DNMT3A: variants seen among roughly 807,000 people sequenced by gnomAD.
DNMT3A encodes the protein DNA (cytosine-5)-methyltransferase 3A.
A neutral mutation model predicts 117.6 loss-of-function variants in DNMT3A; 267 were observed. That is an observed-to-expected ratio of 2.27 (90% CI 2.05 to 2.51). The LOEUF is 2.51. DNMT3A is among the 30% of genes most tolerant of loss of function. The probability of loss-of-function intolerance (pLI) is 0.00; values close to 1 mark genes in which losing one functional copy is unlikely to be tolerated. For synonymous variants in DNMT3A, 432 were observed against 474.8 expected (o/e 0.91, Z 1.17); for missense variants, 1,029 against 1,260.2 (o/e 0.82, Z 2.78).
At position 25,327,321 on chromosome 2, in the gene DNMT3A, G is replaced by T. The variant is rs149866610; in HGVS notation, c.-177-13160C>A. On this transcript the variant is annotated intron_variant, in intron 1 of 22. Coordinates refer to ENST00000321117, the MANE Select transcript of DNMT3A (RefSeq NM_022552.5). The surrounding 1 kb of genome is among the most constrained non-coding windows in gnomAD (Gnocchi z 4.1). Reference sequence around the variant, plus strand: ...TGATACAGTCACCCGCGGCCCCAAAGGGCTTTTTTCCATCCTCATGGCCCT... The same window carrying T: ...TGATACAGTCACCCGCGGCCCCAAATGGCTTTTTTCCATCCTCATGGCCCT... Among the ~76,000 whole-genome samples the T allele has an allele frequency of 2.6e-4, 39 of 152,258 alleles. No individual in the cohort carries two copies. Among genetic ancestry groups the T allele is most frequent in the African/African-American group, 8.9e-4 (37 of 41,538 alleles).
At chr2:25,245,916 G>A in intron 12 of DNMT3A, 104 bp downstream of exon 12, 1 of 1,399,660 alleles carries the variant, frequency 7.1e-7, no homozygotes, top group Non-Finnish European at 1.0e-6. Context: ...GTGACACGCA[G>A]GACGTGGCCC....
Position 25,341,921 on chromosome 2 carries a change from C to A in DNMT3A, c.-273G>T, listed in dbSNP as rs1274808762. The A allele has an allele frequency of 1.0e-6, 1 of 980,306 alleles. No individual in the cohort carries two copies. Among genetic ancestry groups the A allele is most frequent in the Non-Finnish European group, 1.2e-6 (1 of 827,860 alleles). The allele number at this position is 980,306 out of a possible 1,614,324, so 60.7% of individuals were successfully genotyped here. ...CTCTGCTCTCGCCGCCGCCGCCGCCCGCGCGCCCTCCCTCCCTCCCGGCCC... is the reference window on the plus strand; with the variant it reads ...CTCTGCTCTCGCCGCCGCCGCCGCCAGCGCGCCCTCCCTCCCTCCCGGCCC... On this transcript the variant is annotated 5_prime_UTR_variant, in exon 1 of 23. Transcript: ENST00000321117.
chr2:25,275,412 C>CCCCCCCCCCCCCCCCCCCCCA, intron 5 of DNMT3A, 88 bp downstream of exon 5: 1 of 1,407,048 alleles, frequency 7.1e-7, no homozygotes, highest in South Asian at 1.3e-5. Flanking sequence ...GAGGAGGGGC[C>CCCCCCCCCCCCCCCCCCCCCA]CACCCTCCGC....
Position 25,329,673 on chromosome 2 carries a change from CCACACACA to C in DNMT3A, c.-178+12145_-178+12152del, listed in dbSNP as rs55905204. Among the ~76,000 whole-genome samples, 338 of 138,464 alleles carry C rather than the reference CCACACACA, an allele frequency of 2.4e-3. 2 individuals are homozygous for C. The highest frequency in any genetic ancestry group is 3.3e-3 in the Admixed American group (47 of 14,248). 90.8% of individuals were successfully genotyped at this position (138,464 alleles called of 152,430 possible). Reference sequence around the variant, plus strand: ...GGAGTCTCTCACAGTCATGCAGACCCCACACACACACACACACACACACACACACACAC... The same window carrying C: ...GGAGTCTCTCACAGTCATGCAGACCCCACACACACACACACACACACACAC... On this transcript the variant is annotated intron_variant, in intron 1 of 22. Coordinates refer to ENST00000321117, the MANE Select transcript of DNMT3A (RefSeq NM_022552.5).
intron 6 of DNMT3A, among the ~76,000 whole-genome samples, chr2:25,249,920 C>G (rs994140861): frequency 1.3e-5 from 2 of 152,238 alleles, no homozygotes; most frequent in Admixed American, 1.3e-4. Flanking sequence ...GAATGCAAAC[C>G]CATCCTCAAG....
intron 6 of DNMT3A, among the ~76,000 whole-genome samples, chr2:25,263,990 G>A (rs1052169544): frequency 6.6e-6 from 1 of 152,124 alleles, no homozygotes; most frequent in African/African-American, 2.4e-5. Context: ...TCACAGGGGA[G>A]GGTAGAATTC....
Position 25,252,591 on chromosome 2 carries a change from C to T in DNMT3A, c.640-4339G>A, listed in dbSNP as rs1275399125. Reference sequence around the variant, plus strand: ...CTTCGGGAAGACCGCCTGGCCCCTCCCCCAGCTCTGGAAGAGATTAGCGCG... The same window carrying T: ...CTTCGGGAAGACCGCCTGGCCCCTCTCCCAGCTCTGGAAGAGATTAGCGCG... On this transcript the variant is annotated intron_variant, in intron 6 of 22. Coordinates refer to ENST00000321117, the MANE Select transcript of DNMT3A (RefSeq NM_022552.5). This position sits in a 1 kb window ranked among gnomAD's most constrained non-coding sequence, Gnocchi z 5.5. Among the ~76,000 whole-genome samples, 1 of 151,066 alleles carries T rather than the reference C, an allele frequency of 6.6e-6. No individual in the cohort carries two copies. The highest frequency in any genetic ancestry group is 1.5e-5 in the Non-Finnish European group (1 of 67,644).
chr2:25,236,905 C>T lies in DNMT3A; in HGVS notation c.2478+31G>A. The T allele has an allele frequency of 6.2e-7, 1 of 1,602,884 alleles. No homozygotes were observed. The highest frequency in any genetic ancestry group is 8.5e-7 in the Non-Finnish European group (1 of 1,174,790). On this transcript the variant is annotated intron_variant, in intron 21 of 22. Coordinates refer to ENST00000321117, the MANE Select transcript of DNMT3A (RefSeq NM_022552.5). The surrounding 1 kb of genome is among the most constrained non-coding windows in gnomAD (Gnocchi z 4.5). ...ATCCTGCCCTTCCTTCTCCCTGCCCCCCAGCAGAGGTTCTAGACGCTGGAG... is the reference window on the plus strand; with the variant it reads ...ATCCTGCCCTTCCTTCTCCCTGCCCTCCAGCAGAGGTTCTAGACGCTGGAG...
At chr2:25,245,750 G>C (rs1389137870) in intron 12 of DNMT3A, among the ~76,000 whole-genome samples, 1 of 152,226 alleles carries the variant, frequency 6.6e-6, no homozygotes, top group Non-Finnish European at 1.5e-5. Context: ...AGGCTGAAAG[G>C]GGACCTGTAG....
intron 3 of DNMT3A, among the ~76,000 whole-genome samples, chr2:25,290,626 G>A (rs551445392): frequency 6.6e-6 from 1 of 152,334 alleles, no homozygotes; most frequent in South Asian, 2.1e-4. Context: ...CCGGCCAGAA[G>A]TGGTTTTTAA....
At chr2:25,321,172 T>TAA (rs879295575) in intron 1 of DNMT3A, among the ~76,000 whole-genome samples, 4 of 141,928 alleles carry the variant, frequency 2.8e-5, no homozygotes, top group African/African-American at 1.0e-4. Flanking sequence ...AAGTCAGTAG[T>TAA]AAAAAAAAAA....
chr2:25,281,606 A>G lies in DNMT3A; in HGVS notation c.448+835T>C. The G allele has an allele frequency of 9.4e-7, 1 of 1,064,616 alleles. No homozygotes were observed. The highest frequency in any genetic ancestry group is 4.6e-5 in the South Asian group (1 of 21,976). 65.9% of individuals were successfully genotyped at this position (1,064,616 alleles called of 1,614,324 possible). On this transcript the variant is annotated intron_variant, in intron 4 of 22. Transcript: ENST00000321117. This position sits in a 1 kb window ranked among gnomAD's most constrained non-coding sequence, Gnocchi z 4.8. ...TTTGAAATTAAAATGCACATATGCA[A>G]AACAACCTGGCAGGGCCCTGGGAGG... is the stretch of plus-strand genomic sequence containing the variant.
chr2:25,313,856 G>C (rs1208432233), intron 2 of DNMT3A, 57 bp downstream of exon 2: 1 of 1,548,310 alleles, frequency 6.5e-7, no homozygotes, highest in African/African-American at 1.4e-5. Flanking sequence ...TCATCACATA[G>C]GGACAGGGCT....
In DNMT3A at chr2:25,282,244, TA is replaced by T; in HGVS notation, c.448+196del. ...ACTGGCAACTAATTTTTTAAATGTTTAAAACACTCTATGGGCCAAATAAAAC... is the reference window on the plus strand; with the variant it reads ...ACTGGCAACTAATTTTTTAAATGTTTAAACACTCTATGGGCCAAATAAAAC... On this transcript the variant is annotated intron_variant, in intron 4 of 22. Coordinates refer to ENST00000321117, the MANE Select transcript of DNMT3A (RefSeq NM_022552.5). The surrounding 1 kb of genome is among the most constrained non-coding windows in gnomAD (Gnocchi z 5.2). 1 of 1,313,502 alleles carries T rather than the reference TA, an allele frequency of 7.6e-7. No individual in the cohort carries two copies. Among genetic ancestry groups the T allele is most frequent in the Non-Finnish European group, 9.7e-7 (1 of 1,030,850 alleles). 81.4% of individuals were successfully genotyped at this position (1,313,502 alleles called of 1,614,324 possible).
chr2:25,265,675 C>G (rs147499926), intron 6 of DNMT3A, among the ~76,000 whole-genome samples: 1 of 151,910 alleles, frequency 6.6e-6, no homozygotes, highest in Non-Finnish European at 1.5e-5. Flanking sequence ...AAAAATTAGC[C>G]GGGTGTGGTG....
Position 25,293,097 on chromosome 2 carries a change from C to T in DNMT3A, c.177+7042G>A, listed in dbSNP as rs2032883386. On this transcript the variant is annotated intron_variant, in intron 3 of 22. Transcript: ENST00000321117. The surrounding 1 kb of genome is among the most constrained non-coding windows in gnomAD (Gnocchi z 4.7). ...TGTAAGGTGGCCTTGACAGGGGCCC[C>T]TTCCCCATCTGCTCCCTTCCAGAAG... 6.6e-6 allele frequency among the ~76,000 whole-genome samples: 1 copy of T among 152,206 alleles called. No homozygotes were observed. The highest frequency in any genetic ancestry group is 2.4e-5 in the African/African-American group (1 of 41,448).
Position 25,234,483 on chromosome 2 carries a change from G to A in DNMT3A, c.2598-63C>T, listed in dbSNP as rs1285494637. The A allele has an allele frequency of 7.7e-6, 12 of 1,548,758 alleles. No homozygotes were observed. The highest frequency in any genetic ancestry group is 2.7e-5 in the African/African-American group (2 of 73,240). On this transcript the variant is annotated intron_variant, in intron 22 of 22. Coordinates refer to ENST00000321117, the MANE Select transcript of DNMT3A (RefSeq NM_022552.5). The surrounding 1 kb of genome is among the most constrained non-coding windows in gnomAD (Gnocchi z 4.5). ...GGCCAGACCAGGCTGCCCGGAAGCC[G>A]TCTAACCACACAGCAGGACCCGGAG...
intron 1 of DNMT3A, chr2:25,314,755 A>G (rs1375398109): frequency 1.0e-6 from 1 of 959,426 alleles, no homozygotes; most frequent in East Asian, 1.2e-4. Context: ...GCCACGGCCA[A>G]GGCCACAGGC....
chr2:25,278,829 C>CAA (rs779173488), intron 4 of DNMT3A, among the ~76,000 whole-genome samples: 6 of 129,444 alleles, frequency 4.6e-5, no homozygotes, highest in African/African-American at 8.4e-5. Context: ...GACGCTGTCT[C>CAA]AAAAAAAAAA....
Sources: allele counts gnomAD v4.1 joint callset (sites outside exome capture counted in the v4.1 genomes callset), GRCh38; gene constraint gnomAD v4.1.1; non-coding constraint Gnocchi (gnomAD v3.1); transcripts MANE v1.5; gene names NCBI Gene and HGNC (gene_info 2026-07-23, HGNC 2026-07-21).